MYRFL: variants seen among roughly 807,000 people sequenced by gnomAD.
The protein encoded by MYRFL is myelin regulatory factor-like protein.
MYRFL carries 88 observed loss-of-function variants against 109.4 expected under a neutral mutation model. The ratio of observed to expected loss-of-function variants is 0.80; its 90% CI spans 0.68 to 0.96. The LOEUF is 0.96. Ranked by LOEUF, MYRFL falls within the 40% of genes least tolerant of loss-of-function variation. The pLI is 0.00. For synonymous variants in MYRFL, 324 were observed against 320.9 expected, an observed-to-expected ratio of 1.01 and a Z score of -0.10; for missense variants, 957 against 954.9, an observed-to-expected ratio of 1.00 and a Z score of -0.03.
intron 2 of MYRFL, among the ~76,000 whole-genome samples, chr12:69,866,211 G>T (rs568759389): frequency 6.6e-6 from 1 of 152,108 alleles, no homozygotes; most frequent in African/African-American, 2.4e-5. Flanking sequence ...ACTCAGAGTA[G>T]ATCCGAGCCA....
intron 1 of MYRFL, among the ~76,000 whole-genome samples, chr12:69,828,206 G>T (rs1882407422): frequency 6.6e-6 from 1 of 152,012 alleles, no homozygotes; most frequent in Non-Finnish European, 1.5e-5. Context: ...TATGGGGTTT[G>T]CCCCTTTCAG....
chr12:69,858,147 G>T (rs1178323614), intron 2 of MYRFL, among the ~76,000 whole-genome samples: 1 of 151,472 alleles, frequency 6.6e-6, no homozygotes, highest in Admixed American at 6.6e-5. Context: ...TTAATATAAT[G>T]GATTACTTTG....
At chr12:69,854,150 G>T (rs1375283910) in intron 1 of MYRFL, among the ~76,000 whole-genome samples, 1 of 152,204 alleles carries the variant, frequency 6.6e-6, no homozygotes, top group African/African-American at 2.4e-5. Flanking sequence ...CTGGAGACCA[G>T]TCCGGCCAAC....
rs753407776 is a variant in MYRFL at position 69,897,236 on chromosome 12, T to C, written c.1172T>C (p.Ile391Thr). ...YLLSAHISER[I>T]IVRASNPGQF... ...TTGTCTGCCCACATCTCTGAAAGGA[T>C]CATTGTAAGGGTAAGCTCAGTTCTC... The change falls in exon 10 of 25, where the codon ATC (isoleucine) becomes ACC (threonine). Residue 391 changes from isoleucine (I) to threonine (T), a missense_variant. Coordinates refer to ENST00000552032, the MANE Select transcript of MYRFL (RefSeq NM_182530.3). 1 of 1,535,676 alleles carries C rather than the reference T, an allele frequency of 6.5e-7. No homozygotes were observed. Among genetic ancestry groups the C allele is most frequent in the Admixed American group, 2.0e-5 (1 of 50,996 alleles).
Position 69,903,712 on chromosome 12 carries a change from T to C in MYRFL, c.1251T>C (p.Ser417=). Residue 417 remains serine (S), a synonymous_variant, in exon 11 of 25, where the codon TCT becomes TCC. Transcript: ENST00000552032. The stretch of plus-strand genomic sequence containing the variant: ...GGCAGCGAGGACAAGTTCCAGAATC[T>C]ATTGTCTGTCACGGTCGAGTAGGAA... The part of the protein sequence containing the change: ...ALWQRGQVPE[S]IVCHGRVGIN... 5 of 1,535,896 alleles carry C rather than the reference T, an allele frequency of 3.3e-6. No homozygotes were observed. The highest frequency in any genetic ancestry group is 3.5e-6 in the Non-Finnish European group (4 of 1,146,714).
At chr12:69,927,630 A>C in intron 14 of MYRFL, 55 bp from the exon 15 acceptor site, 2 of 1,321,960 alleles carry the variant, frequency 1.5e-6, no homozygotes, top group Non-Finnish European at 2.1e-6. Context: ...GGCCTTTGTC[A>C]TGTATCTCCT....
intron 6 of MYRFL, among the ~76,000 whole-genome samples, chr12:69,889,172 G>A (rs1769497237): frequency 6.6e-6 from 1 of 151,858 alleles, no homozygotes; most frequent in African/African-American, 2.4e-5. Context: ...TACAGTAGTA[G>A]AGCAGTGAGT....
At position 69,958,542 on chromosome 12, in the gene MYRFL, T is replaced by C. The variant is rs1592910775; in HGVS notation, c.*11T>C. On this transcript the variant is annotated 3_prime_UTR_variant, in exon 25 of 25. Transcript: ENST00000552032. The stretch of plus-strand genomic sequence containing the variant: ...CGACGCTGTGCCTAATTTGTTCAAG[T>C]TTGGGGACTTTACCAAAGAAAAATA... The C allele has an allele frequency of 6.6e-7, 1 of 1,517,568 alleles. No individual in the cohort carries two copies. Among genetic ancestry groups the C allele is most frequent in the Admixed American group, 2.1e-5 (1 of 48,532 alleles). The allele number at this position is 1,517,568 out of a possible 1,614,324, so 94.0% of individuals were successfully genotyped here.
In MYRFL at chr12:69,926,607, C is replaced by T; in HGVS notation, c.1639C>T (p.Gln547Ter). The change falls in exon 14 of 25, where the codon CAA becomes TAA. Residue 547 changes from glutamine (Q) to a stop codon, truncating the protein, a stop_gained. Coordinates refer to ENST00000552032, the MANE Select transcript of MYRFL (RefSeq NM_182530.3). LOFTEE classifies it high-confidence loss of function. ...IFMENVGAVK[Q>*]LCKLTNNLEE... Reference sequence around the variant, plus strand: ...TATGGAAAATGTAGGTGCAGTGAAGCAACTGTGCAAACTAACTAACAACCT... The same window carrying T: ...TATGGAAAATGTAGGTGCAGTGAAGTAACTGTGCAAACTAACTAACAACCT... 6.6e-7 allele frequency: 1 copy of T among 1,522,570 alleles called. No individual in the cohort carries two copies. The highest frequency in any genetic ancestry group is 8.8e-7 in the Non-Finnish European group (1 of 1,140,774). The allele number at this position is 1,522,570 out of a possible 1,614,324, so 94.3% of individuals were successfully genotyped here. A position where few individuals can be genotyped will look rare whatever the true frequency, so the allele number is the denominator to read the frequency against.
rs1275727459 is a variant in MYRFL at position 69,927,732 on chromosome 12, A to G, written c.1814A>G (p.His605Arg). The G allele has an allele frequency of 3.9e-6, 6 of 1,533,654 alleles. No homozygotes were observed. In the South Asian group the frequency reaches 4.8e-5, roughly 12 times the overall value. The change falls in exon 15 of 25, where the codon CAT becomes CGT. Residue 605 changes from histidine (H) to arginine (R), a missense_variant. His to Arg is a conservative substitution (Grantham distance 29). Coordinates refer to ENST00000552032, the MANE Select transcript of MYRFL (RefSeq NM_182530.3). Reference protein sequence around the residue: ...VSASSPRRAVHKKNNKVYFSG... With the variant: ...VSASSPRRAVRKKNNKVYFSG... ...GCATCTTCTCCAAGAAGGGCCGTTC[A>G]TAAAAAAAACAACAAGGTAAATAGA...
chr12:69,858,132 A>G (rs2136323417), intron 2 of MYRFL, among the ~76,000 whole-genome samples: 1 of 151,682 alleles, frequency 6.6e-6, no homozygotes, highest in African/African-American at 2.4e-5. Flanking sequence ...TTTTCTTCCC[A>G]TCTGTTAATA....
chr12:69,863,233 C>A (rs923246709), intron 2 of MYRFL, among the ~76,000 whole-genome samples: 1 of 151,826 alleles, frequency 6.6e-6, no homozygotes, highest in African/African-American at 2.4e-5. Context: ...TGTCTCTGCC[C>A]GGCGTTGGTA....
At chr12:69,839,231 T>C (rs1565962319) in intron 1 of MYRFL, among the ~76,000 whole-genome samples, 1 of 152,152 alleles carries the variant, frequency 6.6e-6, no homozygotes, top group Non-Finnish European at 1.5e-5. Context: ...AAGAACAGGT[T>C]CTGACTCAGC....
At chr12:69,841,574 T>C (rs1162004256) in intron 1 of MYRFL, among the ~76,000 whole-genome samples, 1 of 152,210 alleles carries the variant, frequency 6.6e-6, no homozygotes, top group Non-Finnish European at 1.5e-5. Context: ...TCCAGCACAT[T>C]GCTGCACATT....
intron 19 of MYRFL, among the ~76,000 whole-genome samples, chr12:69,948,265 C>T (rs543254802): frequency 6.6e-6 from 1 of 152,082 alleles, no homozygotes; most frequent in Non-Finnish European, 1.5e-5. Flanking sequence ...TTATTTCTTG[C>T]GTTTGAAAAA....
intron 13 of MYRFL, among the ~76,000 whole-genome samples, chr12:69,924,429 T>C (rs1292982668): frequency 2.0e-5 from 3 of 152,180 alleles, no homozygotes; most frequent in Admixed American, 1.3e-4. Context: ...CATAACAGTA[T>C]ATAGAGATAT....
At chr12:69,933,178 CA>C (rs1371513729) in intron 16 of MYRFL, among the ~76,000 whole-genome samples, 1 of 152,180 alleles carries the variant, frequency 6.6e-6, no homozygotes, top group Non-Finnish European at 1.5e-5. Context: ...GCAAATTGGG[CA>C]ACTTTTGACA....
chr12:69,840,995 A>G (rs190416394), intron 1 of MYRFL, among the ~76,000 whole-genome samples: 1 of 152,196 alleles, frequency 6.6e-6, no homozygotes, highest in East Asian at 1.9e-4. Flanking sequence ...CCAGCCAGAG[A>G]CAGTCTTTTA....
At chr12:69,869,544 C>T (rs1279338907) in intron 2 of MYRFL, among the ~76,000 whole-genome samples, 3 of 152,090 alleles carry the variant, frequency 2.0e-5, no homozygotes, top group African/African-American at 7.2e-5. Context: ...TTTATATATA[C>T]GGCATATTCA....
Sources: allele counts gnomAD v4.1 joint callset (sites outside exome capture counted in the v4.1 genomes callset), GRCh38; gene constraint gnomAD v4.1.1; transcripts MANE v1.5; gene names NCBI Gene and HGNC (gene_info 2026-07-23, HGNC 2026-07-21).